SH3PXD2B: variants seen among roughly 807,000 people sequenced by gnomAD.
SH3PXD2B encodes the protein SH3 and PX domain-containing protein 2B.
In SH3PXD2B, 37 loss-of-function variants were observed where a neutral mutation model predicts 73.1. That is an observed-to-expected ratio of 0.51 (90% confidence interval 0.39 to 0.67). SH3PXD2B has a LOEUF of 0.67. SH3PXD2B is among the 30% of genes least tolerant of loss of function. The pLI, the probability that SH3PXD2B is intolerant of heterozygous loss-of-function variation, is 0.00. For missense variants in SH3PXD2B, 1,053 were observed against 1,197.8 expected, an observed-to-expected ratio of 0.88 and a Z score of 1.78; for synonymous variants, 457 against 480.5, an observed-to-expected ratio of 0.95 and a Z score of 0.64.
At chr5:172,332,221 A>T (rs1212933565), downstream of SH3PXD2B, among the ~76,000 whole-genome samples, 3 of 147,736 alleles carry the variant, frequency 2.0e-5, no homozygotes, top group Non-Finnish European at 4.5e-5. Flanking sequence ...ACCTGCTCCT[A>T]TGGGGGCCCA....
rs188147650 is a variant in SH3PXD2B, at chr5:172,438,050, A to C, written c.76-15554T>G. ...AATCGAGAAAGAAAACACACCACAC[A>C]GGCACAACGTGGGGCTTAGGGGCCT... On this transcript the variant is annotated intron_variant, in intron 1 of 12. Coordinates refer to ENST00000311601, the MANE Select transcript of SH3PXD2B (RefSeq NM_001017995.3). 3.9e-5 allele frequency among the ~76,000 whole-genome samples: 6 copies of C among 152,292 alleles called. No individual in the cohort carries two copies. In the East Asian group the frequency reaches 9.7e-4, roughly 25 times the overall value.
chr5:172,362,390 C>T (rs1174717685), intron 7 of SH3PXD2B, among the ~76,000 whole-genome samples: 1 of 152,190 alleles, frequency 6.6e-6, no homozygotes, highest in East Asian at 1.9e-4. Flanking sequence ...ATGGAGCCTT[C>T]TCGGAGACTC....
At position 172,436,843 on chromosome 5, in the gene SH3PXD2B, C is replaced by T. The variant is rs115926792; in HGVS notation, c.76-14347G>A. Reference sequence around the variant, plus strand: ...GCCAAAGCACATGCAGCTCTGGGCTCGAGGAGTAGTGCTGGCTTCAAGATC... The same window carrying T: ...GCCAAAGCACATGCAGCTCTGGGCTTGAGGAGTAGTGCTGGCTTCAAGATC... On this transcript the variant is annotated intron_variant, in intron 1 of 12. Coordinates refer to ENST00000311601, the MANE Select transcript of SH3PXD2B (RefSeq NM_001017995.3). Among the ~76,000 whole-genome samples, 201 of 152,290 alleles carry T rather than the reference C, an allele frequency of 1.3e-3. 1 individual carries two copies. Among genetic ancestry groups the T allele is most frequent in the African/African-American group, 4.5e-3 (188 of 41,560 alleles).
chr5:172,447,113 CTGT>C (rs370977559), intron 1 of SH3PXD2B, among the ~76,000 whole-genome samples: 1 of 152,024 alleles, frequency 6.6e-6, no homozygotes, highest in African/African-American at 2.4e-5. Flanking sequence ...TGAGCATTTG[CTGT>C]TTTTTTATTT....
chr5:172,438,298 C>A (rs1182225616), intron 1 of SH3PXD2B, among the ~76,000 whole-genome samples: 1 of 152,206 alleles, frequency 6.6e-6, no homozygotes, highest in African/African-American at 2.4e-5. Context: ...AGGGCTAGGG[C>A]CACCCTCTCT....
Position 172,339,632 on chromosome 5 carries a change from A to G in SH3PXD2B, c.1473T>C (p.Ser491=), listed in dbSNP as rs757070175. 3.5e-5 allele frequency: 56 copies of G among 1,614,060 alleles called. No homozygotes were observed. Among genetic ancestry groups the G allele is most frequent in the Non-Finnish European group, 4.7e-5 (55 of 1,180,038 alleles). Residue 491 remains serine, a synonymous_variant, in exon 13 of 13, where the codon AGT becomes AGC. Coordinates refer to ENST00000311601, the MANE Select transcript of SH3PXD2B (RefSeq NM_001017995.3). This position sits in a 1 kb window ranked among gnomAD's most constrained non-coding sequence, Gnocchi z 6.1. ...AAGATGCCTTCCTCAGGACATCCTT[A>G]CTGCCCTTCCAGTCTTTAGACCATG... is the stretch of plus-strand genomic sequence containing the variant. The part of the protein sequence containing the change: ...GLPWSKDWKG[S]KDVLRKASSD...
chr5:172,349,659 C>A (rs2113286370), intron 10 of SH3PXD2B, among the ~76,000 whole-genome samples: 1 of 152,136 alleles, frequency 6.6e-6, no homozygotes, highest in South Asian at 2.1e-4. Flanking sequence ...TTGGGCACAC[C>A]CTCTCACCCT....
At chr5:172,326,310 ATAC>A (rs1440436668) in intron 12 of SH3PXD2B, among the ~76,000 whole-genome samples, 1 of 152,248 alleles carries the variant, frequency 6.6e-6, no homozygotes, top group Non-Finnish European at 1.5e-5. Flanking sequence ...CTACAGCAGC[ATAC>A]ATGCCAAAGT....
chr5:172,378,500 C>T (rs754660607), intron 5 of SH3PXD2B, among the ~76,000 whole-genome samples: 2 of 152,170 alleles, frequency 1.3e-5, no homozygotes, highest in African/African-American at 2.4e-5. Context: ...GTCCAAGATG[C>T]TCCCCAAAGT....
At chr5:172,325,474 A>G (rs535532945) in intron 12 of SH3PXD2B, 1 of 743,428 alleles carries the variant, frequency 1.3e-6, no homozygotes, top group Non-Finnish European at 2.3e-6. Context: ...TGTCTATAAC[A>G]GCATACCGCA....
intron 5 of SH3PXD2B, among the ~76,000 whole-genome samples, chr5:172,379,677 A>T (rs1211917550): frequency 6.6e-6 from 1 of 152,182 alleles, no homozygotes; most frequent in Non-Finnish European, 1.5e-5. Flanking sequence ...CCACTTCCTG[A>T]GCAGCTGGCA....
chr5:172,425,866 A>C (rs1398028592), intron 1 of SH3PXD2B, among the ~76,000 whole-genome samples: 1 of 152,174 alleles, frequency 6.6e-6, no homozygotes, highest in Non-Finnish European at 1.5e-5. Context: ...AGCGGACCAA[A>C]GAATGCAGCT....
chr5:172,446,525 C>A (rs1378666649), intron 1 of SH3PXD2B, among the ~76,000 whole-genome samples: 1 of 152,124 alleles, frequency 6.6e-6, no homozygotes, highest in Non-Finnish European at 1.5e-5. Context: ...GCTCTTTCTC[C>A]GAGGAAAAAA....
chr5:172,368,585 TA>T (rs1757609151), intron 6 of SH3PXD2B, among the ~76,000 whole-genome samples: 1 of 16,494 alleles, frequency 6.1e-5, no homozygotes, highest in African/African-American at 5.2e-4. Flanking sequence ...TATATATATA[TA>T]TAAAATATGT....
chr5:172,355,394 G>A (rs1757249318), intron 8 of SH3PXD2B, among the ~76,000 whole-genome samples: 1 of 152,184 alleles, frequency 6.6e-6, no homozygotes, highest in African/African-American at 2.4e-5. Context: ...GAGGGGTGGA[G>A]GGAAGAATCC....
At chr5:172,332,215 G>A (rs139676505), downstream of SH3PXD2B, among the ~76,000 whole-genome samples, 2 of 150,832 alleles carry the variant, frequency 1.3e-5, no homozygotes, top group East Asian at 3.9e-4. Context: ...GGGTGAACCT[G>A]CTCCTATGGG....
intron 7 of SH3PXD2B, among the ~76,000 whole-genome samples, chr5:172,359,314 G>A (rs1304017216): frequency 7.0e-6 from 1 of 143,462 alleles, no homozygotes; most frequent in South Asian, 2.2e-4. Context: ...CTGAGCCCAG[G>A]AGGTCAAGGC....
chr5:172,364,243 A>G (rs1299777025), intron 6 of SH3PXD2B, among the ~76,000 whole-genome samples: 1 of 152,114 alleles, frequency 6.6e-6, no homozygotes, highest in Non-Finnish European at 1.5e-5. Flanking sequence ...AATGTGGGGG[A>G]AGGGCAGCCA....
intron 1 of SH3PXD2B, among the ~76,000 whole-genome samples, chr5:172,436,707 A>G (rs1759397137): frequency 6.6e-6 from 1 of 152,238 alleles, no homozygotes; most frequent in Non-Finnish European, 1.5e-5. Context: ...TCTCTCATGC[A>G]GTGCACGGAG....
Sources: allele counts gnomAD v4.1 joint callset (sites outside exome capture counted in the v4.1 genomes callset), GRCh38; gene constraint gnomAD v4.1.1; non-coding constraint Gnocchi (gnomAD v3.1); transcripts MANE v1.5; gene names NCBI Gene and HGNC (gene_info 2026-07-23, HGNC 2026-07-21).